ANKIB1: variants seen among roughly 807,000 people sequenced by gnomAD.
ANKIB1 encodes ankyrin repeat and IBR domain-containing protein 1.
In ANKIB1, 43 loss-of-function variants were observed where a neutral mutation model predicts 122.1. The ratio of observed to expected loss-of-function variants is 0.35; its 90% CI spans 0.28 to 0.45. ANKIB1 has a LOEUF of 0.45. Ranked by LOEUF, ANKIB1 falls within the 20% of genes least tolerant of loss-of-function variation. The probability of loss-of-function intolerance (pLI) is 1.00; values close to 1 mark genes in which losing one functional copy is unlikely to be tolerated. For synonymous variants in ANKIB1, 390 were observed against 442.0 expected (o/e 0.88, Z 1.48); for missense variants, 992 against 1,329.5 (o/e 0.75, Z 3.95).
rs76718820 is a variant in ANKIB1 at position 92,251,910 on chromosome 7, A to G, written c.-91+5391A>G. On this transcript the variant is annotated intron_variant, in intron 1 of 19. Coordinates refer to ENST00000265742, the MANE Select transcript of ANKIB1 (RefSeq NM_019004.2). ...GATCCTATCCAGGAATACATGTTACAGTTGGTTGTTATGTCTGTTCGTAGT... is the reference window on the plus strand; with the variant it reads ...GATCCTATCCAGGAATACATGTTACGGTTGGTTGTTATGTCTGTTCGTAGT... Among the ~76,000 whole-genome samples the G allele has an allele frequency of 3.3e-5, 5 of 152,274 alleles. No individual in the cohort carries two copies. In the East Asian group the frequency reaches 9.6e-4, roughly 29 times the overall value.
intron 9 of ANKIB1, among the ~76,000 whole-genome samples, chr7:92,356,694 A>G (rs1363989497): frequency 6.6e-6 from 1 of 152,214 alleles, no homozygotes; most frequent in Non-Finnish European, 1.5e-5. Flanking sequence ...AAGCCTTCCT[A>G]TCTGATGCAG....
At position 92,393,443 on chromosome 7, in the gene ANKIB1, G is replaced by A. The variant is rs182188983; in HGVS notation, c.2283+1151G>A. Among the ~76,000 whole-genome samples the A allele has an allele frequency of 1.8e-4, 27 of 151,760 alleles. No individual in the cohort carries two copies. In the East Asian group the frequency reaches 4.1e-3, roughly 23 times the overall value. On this transcript the variant is annotated intron_variant, in intron 17 of 19. Coordinates refer to ENST00000265742, the MANE Select transcript of ANKIB1 (RefSeq NM_019004.2). ...AATGTTATAATACATTTACAACTTC[G>A]GGGATATTGTGGTAAACTTCCACCT...
chr7:92,290,322 T>A (rs1293654443), intron 1 of ANKIB1, among the ~76,000 whole-genome samples: 1 of 152,054 alleles, frequency 6.6e-6, no homozygotes, highest in South Asian at 2.1e-4. Context: ...GTTGTTGTTA[T>A]CAGTAATGCA....
chr7:92,379,768 C>T (rs1328465167), intron 11 of ANKIB1, among the ~76,000 whole-genome samples: 1 of 151,932 alleles, frequency 6.6e-6, no homozygotes, highest in Non-Finnish European at 1.5e-5. Context: ...TAAAATAAAC[C>T]AGGAGGTCTT....
chr7:92,293,280 C>T (rs767366465), intron 1 of ANKIB1, among the ~76,000 whole-genome samples: 14 of 152,144 alleles, frequency 9.2e-5, no homozygotes, highest in Non-Finnish European at 1.9e-4. Context: ...ATTATACAGC[C>T]AAGGTTGAGA....
intron 1 of ANKIB1, among the ~76,000 whole-genome samples, chr7:92,291,257 C>G (rs547907322): frequency 1.3e-5 from 2 of 151,150 alleles, no homozygotes; most frequent in Admixed American, 6.6e-5. Context: ...TCATATTGCT[C>G]CACTCCAATT....
chr7:92,360,083 T>TA (rs1803909188), intron 9 of ANKIB1, among the ~76,000 whole-genome samples: 1 of 151,914 alleles, frequency 6.6e-6, no homozygotes, highest in African/African-American at 2.4e-5. Flanking sequence ...CATTTTTTTT[T>TA]ACCATGTAAC....
chr7:92,249,624 G>T (rs994036773), intron 1 of ANKIB1, among the ~76,000 whole-genome samples: 1 of 152,084 alleles, frequency 6.6e-6, no homozygotes, highest in Non-Finnish European at 1.5e-5. Flanking sequence ...GGAGGTGGAG[G>T]CAGGAGAATC....
chr7:92,253,558 ATAGT>A (rs749610652), intron 1 of ANKIB1, among the ~76,000 whole-genome samples: 4 of 152,240 alleles, frequency 2.6e-5, no homozygotes, highest in Non-Finnish European at 5.9e-5. Flanking sequence ...ACATATTCTA[ATAGT>A]TAATTTTTAA....
At chr7:92,370,598 A>G (rs1804222482) in intron 10 of ANKIB1, among the ~76,000 whole-genome samples, 1 of 152,050 alleles carries the variant, frequency 6.6e-6, no homozygotes. Flanking sequence ...TTATATTTCA[A>G]AACAACTAGA....
At chr7:92,281,016 T>C (rs1802003120) in intron 1 of ANKIB1, among the ~76,000 whole-genome samples, 3 of 152,120 alleles carry the variant, frequency 2.0e-5, no homozygotes, top group Admixed American at 2.0e-4. Context: ...AGTTTAAAGC[T>C]AGACTTACAG....
chr7:92,277,211 A>T lies in ANKIB1; in HGVS notation c.-90-17678A>T, dbSNP rs981729527. Among the ~76,000 whole-genome samples the T allele has an allele frequency of 7.9e-5, 12 of 152,260 alleles. No homozygotes were observed. The East Asian group carries it at 2.3e-3, about 29-fold the overall frequency. Reference sequence around the variant, plus strand: ...CCAGTTTAACCTCTTTTCTTTATAAACTTCTCAGTCTCAGGTATTTATAGC... The same window carrying T: ...CCAGTTTAACCTCTTTTCTTTATAATCTTCTCAGTCTCAGGTATTTATAGC... On this transcript the variant is annotated intron_variant, in intron 1 of 19. Coordinates refer to ENST00000265742, the MANE Select transcript of ANKIB1 (RefSeq NM_019004.2).
At chr7:92,324,536 C>T (rs1189415810) in intron 4 of ANKIB1, among the ~76,000 whole-genome samples, 1 of 152,064 alleles carries the variant, frequency 6.6e-6, no homozygotes, top group African/African-American at 2.4e-5. Context: ...GCCTGGCCCC[C>T]TTGAATTTTT....
rs1013717348 is a variant in ANKIB1, at chr7:92,399,100, G to A, written c.*151G>A. On this transcript the variant is annotated 3_prime_UTR_variant, in exon 20 of 20. Coordinates refer to ENST00000265742, the MANE Select transcript of ANKIB1 (RefSeq NM_019004.2). The stretch of plus-strand genomic sequence containing the variant: ...TACAGAGAAGTTCCCTTGAATGGTA[G>A]CTTCATTTTTTATTTTAACCTTACA... 1.9e-4 allele frequency: 150 copies of A among 780,050 alleles called. No individual in the cohort carries two copies. In the East Asian group the frequency reaches 3.6e-3, roughly 19 times the overall value. 48.3% of individuals were successfully genotyped at this position (780,050 alleles called of 1,614,324 possible).
Position 92,252,194 on chromosome 7 carries a change from A to G in ANKIB1, c.-91+5675A>G, listed in dbSNP as rs151319747. Among the ~76,000 whole-genome samples, 102 of 152,264 alleles carry G rather than the reference A, an allele frequency of 6.7e-4. 1 individual carries two copies. The highest frequency in any genetic ancestry group is 1.3e-3 in the Non-Finnish European group (91 of 68,006). On this transcript the variant is annotated intron_variant, in intron 1 of 19. Transcript: ENST00000265742. ...ATTATATTTGTGCCCTTTGTGATTT[A>G]TTAGTGTTTGTGGAGATGTATTCCA...
chr7:92,274,439 A>T (rs1468400568), intron 1 of ANKIB1, among the ~76,000 whole-genome samples: 1 of 152,194 alleles, frequency 6.6e-6, no homozygotes, highest in African/African-American at 2.4e-5. Flanking sequence ...CTTTAAAAAA[A>T]TTTTACAGTG....
chr7:92,304,257 A>G (rs1802510171), intron 2 of ANKIB1, among the ~76,000 whole-genome samples: 1 of 152,176 alleles, frequency 6.6e-6, no homozygotes, highest in Non-Finnish European at 1.5e-5. Flanking sequence ...TTTAGCATAA[A>G]ATATTTATGC....
Position 92,399,077 on chromosome 7 carries a change from C to CAG in ANKIB1, c.*132_*133dup. 1 of 1,043,688 alleles carries CAG rather than the reference C, an allele frequency of 9.6e-7. No individual in the cohort carries two copies. 64.7% of individuals were successfully genotyped at this position (1,043,688 alleles called of 1,614,324 possible). A position where few individuals can be genotyped will look rare whatever the true frequency, so the allele number is the denominator to read the frequency against. ...AAACCACTGACATTAGGGTTGAATA[C>CAG]AGAGAAGTTCCCTTGAATGGTAGCT... On this transcript the variant is annotated 3_prime_UTR_variant, in exon 20 of 20. Coordinates refer to ENST00000265742, the MANE Select transcript of ANKIB1 (RefSeq NM_019004.2).
At chr7:92,274,568 A>T (rs879780399) in intron 1 of ANKIB1, among the ~76,000 whole-genome samples, 9 of 145,812 alleles carry the variant, frequency 6.2e-5, no homozygotes, top group Admixed American at 1.4e-4. Flanking sequence ...GTGGTCATTT[A>T]AAAAAAAAAA....
Sources: allele counts gnomAD v4.1 joint callset (sites outside exome capture counted in the v4.1 genomes callset), GRCh38; gene constraint gnomAD v4.1.1; transcripts MANE v1.5; gene names NCBI Gene and HGNC (gene_info 2026-07-23, HGNC 2026-07-21).